Variants in HSD17B12 observed in about 807,000 individuals in gnomAD.
The protein encoded by HSD17B12 is hydroxysteroid 17-beta dehydrogenase 12.
In HSD17B12, 32 loss-of-function variants were observed where a neutral mutation model predicts 39.3. That is an observed-to-expected ratio of 0.81 (90% CI 0.61 to 1.09). The LOEUF (loss-of-function observed/expected upper bound fraction) is 1.09, where lower values mean the gene tolerates loss of function less well. HSD17B12 is among the 50% of genes least tolerant of loss of function. The probability of loss-of-function intolerance (pLI) is 0.00; values close to 1 mark genes in which losing one functional copy is unlikely to be tolerated. For missense variants in HSD17B12, 342 were observed against 382.9 expected, an observed-to-expected ratio of 0.89 and a Z score of 0.89; for synonymous variants, 150 against 146.7, an observed-to-expected ratio of 1.02 and a Z score of -0.16.
the HSD17B12 span, among the ~76,000 whole-genome samples, chr11:43,612,624 T>G: frequency 9.2e-5 from 14 of 152,340 alleles, no homozygotes; most frequent in Admixed American, 8.5e-4. Context: ...CAGGCTGGTC[T>G]CTAACTCCTG....
chr11:43,717,774 C>T (rs972110077), intron 1 of HSD17B12, among the ~76,000 whole-genome samples: 3 of 151,554 alleles, frequency 2.0e-5, no homozygotes, highest in Non-Finnish European at 4.4e-5. Flanking sequence ...GAAAGTTATA[C>T]ACTGTCAGTT....
chr11:43,561,667 T>C, the HSD17B12 span, among the ~76,000 whole-genome samples: 3 of 151,786 alleles, frequency 2.0e-5, no homozygotes, highest in East Asian at 6.0e-4. Flanking sequence ...GCCTGTTCCT[T>C]CAAGTGACAC....
At position 43,754,885 on chromosome 11, in the gene HSD17B12, G is replaced by A. The variant is rs779540099; in HGVS notation, c.283+764G>A. 4 of 760,436 alleles carry A rather than the reference G, an allele frequency of 5.3e-6. 1 individual carries two copies. In the South Asian group the frequency reaches 5.4e-5, roughly 10 times the overall value. 47.1% of individuals were successfully genotyped at this position (760,436 alleles called of 1,614,324 possible). A position where few individuals can be genotyped will look rare whatever the true frequency, so the allele number is the denominator to read the frequency against. ...ACTTTCTTCTTAGGCAATTATACTT[G>A]AGACCTGAATTACAATATGGCAAAG... On this transcript the variant is annotated intron_variant, in intron 3 of 10. Coordinates refer to ENST00000278353, the MANE Select transcript of HSD17B12 (RefSeq NM_016142.3).
chr11:43,705,214 T>C (rs1950002350), intron 1 of HSD17B12, among the ~76,000 whole-genome samples: 1 of 152,262 alleles, frequency 6.6e-6, no homozygotes, highest in African/African-American at 2.4e-5. Flanking sequence ...TTCCTGATTA[T>C]GCTGGTTATT....
At chr11:43,742,139 A>ATATATTTTT (rs61178234) in intron 1 of HSD17B12, among the ~76,000 whole-genome samples, 2 of 123,508 alleles carry the variant, frequency 1.6e-5, no homozygotes, top group South Asian at 2.6e-4. Flanking sequence ...ATATATATAT[A>ATATATTTTT]TTTTTTTTTT....
chr11:43,663,970 C>T, the HSD17B12 span, among the ~76,000 whole-genome samples: 1 of 151,806 alleles, frequency 6.6e-6, no homozygotes, highest in Non-Finnish European at 1.5e-5. Context: ...TCAAGCGATT[C>T]TCCTGAGTAG....
At chr11:43,803,825 C>G (rs139474888) in intron 4 of HSD17B12, among the ~76,000 whole-genome samples, 4 of 152,154 alleles carry the variant, frequency 2.6e-5, no homozygotes, top group Non-Finnish European at 5.9e-5. Flanking sequence ...AGGCAAATGC[C>G]AAGAAATACA....
chr11:43,654,536 A>G, the HSD17B12 span, among the ~76,000 whole-genome samples: 11 of 151,998 alleles, frequency 7.2e-5, no homozygotes, highest in African/African-American at 2.4e-4. Flanking sequence ...TAGGTCTAAC[A>G]TGTAAGTCTT....
At chr11:43,662,169 T>C in the HSD17B12 span, among the ~76,000 whole-genome samples, 2 of 150,162 alleles carry the variant, frequency 1.3e-5, no homozygotes, top group Non-Finnish European at 3.0e-5. Flanking sequence ...CACTGCACCC[T>C]AGCCTGAGTG....
intron 9 of HSD17B12, 35 bp downstream of exon 9, chr11:43,840,099 T>C: frequency 6.4e-7 from 1 of 1,563,582 alleles, no homozygotes; most frequent in East Asian, 2.3e-5. Context: ...GTATCCCTGT[T>C]TTTGTGTGGT....
chr11:43,634,075 CAAAAAAAAAAAAAAAAAAAAAAAAA>C, the HSD17B12 span, among the ~76,000 whole-genome samples: 1 of 37,546 alleles, frequency 2.7e-5, no homozygotes. Context: ...AACTCCATCT[CAAAAAAAAAAAAAAAAAAAAAAAAA>C]AAAAAAAAAG....
At chr11:43,702,877 G>A (rs1178565112) in intron 1 of HSD17B12, among the ~76,000 whole-genome samples, 1 of 152,072 alleles carries the variant, frequency 6.6e-6, no homozygotes, top group Non-Finnish European at 1.5e-5. Context: ...GTGGCCCAAG[G>A]TAATTCTCTT....
At chr11:43,705,890 G>A (rs373133184) in intron 1 of HSD17B12, among the ~76,000 whole-genome samples, 32 of 149,444 alleles carry the variant, frequency 2.1e-4, no homozygotes, top group Middle Eastern at 3.5e-3. Context: ...AGCCTCTCTA[G>A]TAGCTGGAAC....
chr11:43,573,425 G>A, the HSD17B12 span, among the ~76,000 whole-genome samples: 3 of 152,188 alleles, frequency 2.0e-5, no homozygotes, highest in African/African-American at 4.8e-5. Flanking sequence ...ACTGGAGCAA[G>A]ACAGAAACAA....
chr11:43,853,944 A>G (rs530576676), intron 9 of HSD17B12: 1 of 152,342 alleles, frequency 6.6e-6, no homozygotes, highest in South Asian at 2.1e-4. Context: ...ACTTGTTACA[A>G]TAGGGTTTCC....
At chr11:43,681,866 C>A (rs1353998263) in intron 1 of HSD17B12, among the ~76,000 whole-genome samples, 5 of 123,378 alleles carry the variant, frequency 4.1e-5, no homozygotes, top group African/African-American at 1.5e-4. Context: ...TATTTTGTTT[C>A]CTTCTTTGCT....
the HSD17B12 span, among the ~76,000 whole-genome samples, chr11:43,633,000 G>C: frequency 6.6e-6 from 1 of 152,162 alleles, no homozygotes; most frequent in Non-Finnish European, 1.5e-5. Flanking sequence ...GTAAAGAGGA[G>C]GGGTTTTGAA....
At chr11:43,702,201 A>C (rs973828896) in intron 1 of HSD17B12, among the ~76,000 whole-genome samples, 1 of 152,142 alleles carries the variant, frequency 6.6e-6, no homozygotes, top group African/African-American at 2.4e-5. Context: ...GAATTTGTCT[A>C]TCAGTTCTAA....
At chr11:43,560,936 G>C in the HSD17B12 span, among the ~76,000 whole-genome samples, 1 of 152,072 alleles carries the variant, frequency 6.6e-6, no homozygotes, top group Non-Finnish European at 1.5e-5. Context: ...AAAAAAACTT[G>C]AACGGCCTCC....
Sources: gnomAD v4.1 joint callset for allele counts (sites outside exome capture counted in the v4.1 genomes callset) on GRCh38, gnomAD v4.1.1 for gene constraint, MANE v1.5 for transcripts, NCBI Gene and HGNC (gene_info 2026-07-23, HGNC 2026-07-21) for gene names.